TECRL: variants seen among roughly 807,000 people sequenced by gnomAD.
TECRL encodes trans-2,3-enoyl-CoA reductase like.
In TECRL, 63 loss-of-function variants were observed where a neutral mutation model predicts 52.8. The observed-to-expected ratio is 1.19, with a 90% CI of 0.97 to 1.47. The LOEUF is 1.47. TECRL is among the 40% of genes most tolerant of loss of function. The pLI is 0.00. For missense variants in TECRL, 482 were observed against 429.6 expected, an observed-to-expected ratio of 1.12 and a Z score of -1.08; for synonymous variants, 164 against 141.9, an observed-to-expected ratio of 1.16 and a Z score of -1.10.
chr4:64,287,478 C>A (rs1723136564), intron 9 of TECRL, among the ~76,000 whole-genome samples: 1 of 152,026 alleles, frequency 6.6e-6, no homozygotes, highest in Non-Finnish European at 1.5e-5. Flanking sequence ...GAATGTTTAT[C>A]ATTTCTATTT....
intron 11 of TECRL, 85 bp downstream of exon 11, chr4:64,280,956 T>G (rs1722791716): frequency 1.1e-6 from 1 of 912,214 alleles, no homozygotes; most frequent in Non-Finnish European, 1.7e-6. Flanking sequence ...TGCTATACTT[T>G]AGTACTATAA....
In TECRL at chr4:64,281,056, T is replaced by C. The variant is rs1456010084; in HGVS notation, c.949A>G (p.Thr317Ala). Residue 317 changes from threonine to alanine, a missense_variant, in exon 11 of 12, where the codon ACA becomes GCA. Physicochemically the swap from Thr to Ala is moderately conservative, Grantham distance 58. Coordinates refer to ENST00000381210, the MANE Select transcript of TECRL (RefSeq NM_001010874.5). ...IGSWISFTVM[T>A]QTLPVGIFTL... Reference sequence around the variant, plus strand: ...TAGGTCTTACCTGGCAGTGTTTGTGTCATGACTGTGAAACTAATCCATGAT... The same window carrying C: ...TAGGTCTTACCTGGCAGTGTTTGTGCCATGACTGTGAAACTAATCCATGAT... The C allele has an allele frequency of 6.2e-7, 1 of 1,603,394 alleles. No homozygotes were observed. Among genetic ancestry groups the C allele is most frequent in the Non-Finnish European group, 8.5e-7 (1 of 1,173,038 alleles).
intron 4 of TECRL, among the ~76,000 whole-genome samples, chr4:64,320,669 C>A (rs1463534566): frequency 6.6e-6 from 1 of 152,024 alleles, no homozygotes; most frequent in African/African-American, 2.4e-5. Flanking sequence ...TGGTTTAATG[C>A]TGCTCACCCT....
At chr4:64,373,282 A>G (rs559672897) in intron 2 of TECRL, among the ~76,000 whole-genome samples, 2 of 151,910 alleles carry the variant, frequency 1.3e-5, no homozygotes, top group East Asian at 3.9e-4. Context: ...ATTTAAGTAA[A>G]GCTGTTAAAG....
chr4:64,352,048 T>C (rs1720433661), intron 2 of TECRL, among the ~76,000 whole-genome samples: 1 of 152,180 alleles, frequency 6.6e-6, no homozygotes. Flanking sequence ...ATTTTCCAAT[T>C]CTTAAGTTAA....
Position 64,314,592 on chromosome 4 carries a change from TGTGTGTGTG to T in TECRL, c.551+47_551+55del, listed in dbSNP as rs1358602946. On this transcript the variant is annotated intron_variant, in intron 5 of 11. Transcript: ENST00000381210. Reference sequence around the variant, plus strand: ...TTCATCCCCTCCTTAACGTGTATGGTGTGTGTGTGTGTGTGTGTGTGTGTGTGTGTGTGT... The same window carrying T: ...TTCATCCCCTCCTTAACGTGTATGGTTGTGTGTGTGTGTGTGTGTGTGTGT... The T allele has an allele frequency of 1.1e-4, 6 of 56,730 alleles. No homozygotes were observed. In the African/African-American group the frequency reaches 0.014, roughly 130 times the overall value. The allele number at this position is 56,730 out of a possible 1,614,324, so 3.5% of individuals were successfully genotyped here. A position where few individuals can be genotyped will look rare whatever the true frequency, so the allele number is the denominator to read the frequency against.
At chr4:64,325,918 A>G (rs1286481642) in intron 3 of TECRL, among the ~76,000 whole-genome samples, 1 of 152,154 alleles carries the variant, frequency 6.6e-6, no homozygotes, top group Admixed American at 6.6e-5. Context: ...GACTCAAGAA[A>G]AAGGGACCAT....
downstream of TECRL, chr4:64,277,573 T>A (rs1329366245): frequency 6.6e-6 from 1 of 152,108 alleles, no homozygotes; most frequent in African/African-American, 2.4e-5. Context: ...GCCACATATG[T>A]TAGTAATAAA....
chr4:64,383,320 A>G (rs999494854), intron 1 of TECRL, among the ~76,000 whole-genome samples: 12 of 152,040 alleles, frequency 7.9e-5, no homozygotes, highest in Non-Finnish European at 1.5e-4. Context: ...GCAAGATGGG[A>G]AATTTCAGCT....
rs766338728 is a variant in TECRL, at chr4:64,314,725, GTA to G, written c.472_473del (p.Tyr158ProfsTer12). 1 of 1,613,054 alleles carries G rather than the reference GTA, an allele frequency of 6.2e-7. No homozygotes were observed. The highest frequency in any genetic ancestry group is 8.5e-7 in the Non-Finnish European group (1 of 1,179,552). On this transcript the variant is annotated frameshift_variant, in exon 5 of 12. Coordinates refer to ENST00000381210, the MANE Select transcript of TECRL (RefSeq NM_001010874.5). LOFTEE classifies it high-confidence loss of function. ...LAEYTGPLLI[Y>X]LLFYLRIPCI... ...ATGGGATCCTCAAATAAAAGAGGAGGTATATTAGCAGAGGTCCTGTGTATTCA... is the reference window on the plus strand; with the variant it reads ...ATGGGATCCTCAAATAAAAGAGGAGGTATTAGCAGAGGTCCTGTGTATTCA...
intron 1 of TECRL, among the ~76,000 whole-genome samples, chr4:64,375,870 T>G (rs1358898155): frequency 6.6e-6 from 1 of 151,900 alleles, no homozygotes; most frequent in Non-Finnish European, 1.5e-5. Context: ...ATTTAAAAAT[T>G]ATTGAGGACT....
chr4:64,335,967 CT>C (rs200178106), intron 2 of TECRL, among the ~76,000 whole-genome samples: 5 of 151,022 alleles, frequency 3.3e-5, no homozygotes, highest in African/African-American at 7.3e-5. Context: ...GGATATTGGT[CT>C]TTTTTTTTGG....
chr4:64,339,445 A>AATAT (rs530691690), intron 2 of TECRL, among the ~76,000 whole-genome samples: 7 of 149,830 alleles, frequency 4.7e-5, no homozygotes, highest in African/African-American at 1.2e-4. Context: ...GTATAATAAA[A>AATAT]ATATATATAT....
At chr4:64,405,728 G>C (rs778869663) in intron 1 of TECRL, among the ~76,000 whole-genome samples, 1 of 152,040 alleles carries the variant, frequency 6.6e-6, no homozygotes, top group Non-Finnish European at 1.5e-5. Flanking sequence ...GAGAAGTTGT[G>C]ATGACTCAGT....
At chr4:64,397,397 C>T (rs1354087166) in intron 1 of TECRL, among the ~76,000 whole-genome samples, 1 of 151,778 alleles carries the variant, frequency 6.6e-6, no homozygotes, top group African/African-American at 2.4e-5. Context: ...CATACATGGT[C>T]CTAAGATGAA....
At chr4:64,402,735 C>A (rs1381927038) in intron 1 of TECRL, among the ~76,000 whole-genome samples, 7 of 151,978 alleles carry the variant, frequency 4.6e-5, no homozygotes, top group African/African-American at 1.7e-4. Context: ...AGAAAGTAAT[C>A]TCAAGAATGT....
At position 64,339,257 on chromosome 4, in the gene TECRL, G is replaced by A. The variant is rs941849091; in HGVS notation, c.287-10701C>T. Among the ~76,000 whole-genome samples the A allele has an allele frequency of 3.9e-5, 5 of 129,520 alleles. No homozygotes were observed. The Admixed American group carries it at 4.4e-4, about 11-fold the overall frequency. The allele number at this position is 129,520 out of a possible 152,430, so 85.0% of individuals were successfully genotyped here. ...ATGAGAACACTTGGACACAGGAAGG[G>A]GAACATCACACTCTGGGGCCTGTTG... On this transcript the variant is annotated intron_variant, in intron 2 of 11. Coordinates refer to ENST00000381210, the MANE Select transcript of TECRL (RefSeq NM_001010874.5).
intron 1 of TECRL, among the ~76,000 whole-genome samples, chr4:64,398,077 A>ACGTTC (rs1399348561): frequency 4.9e-5 from 4 of 80,842 alleles, no homozygotes; most frequent in Admixed American, 1.2e-4. Context: ...ATTTCATTAA[A>ACGTTC]CATTATTTTA....
chr4:64,309,780 C>T, intron 6 of TECRL, 46 bp downstream of exon 6: 1 of 1,238,954 alleles, frequency 8.1e-7, no homozygotes, highest in Non-Finnish European at 1.2e-6. Flanking sequence ...AAGGATCCAA[C>T]ATATAAAATG....
Sources: allele counts gnomAD v4.1 joint callset (sites outside exome capture counted in the v4.1 genomes callset), GRCh38; gene constraint gnomAD v4.1.1; transcripts MANE v1.5; gene names NCBI Gene and HGNC (gene_info 2026-07-23, HGNC 2026-07-21).